The following SLC8A1 variants were observed in gnomAD, a reference collection of about 807,000 sequenced individuals.
SLC8A1 encodes solute carrier family 8 member A1.
SLC8A1 carries 18 observed loss-of-function variants against 68.3 expected under a neutral mutation model. The observed-to-expected ratio is 0.26, with a 90% confidence interval of 0.18 to 0.39. SLC8A1 has a LOEUF of 0.39. Among genes scored for constraint, SLC8A1 ranks in the 10% least tolerant of loss-of-function variants. The pLI is 1.00. For synonymous variants in SLC8A1, 475 were observed against 415.5 expected (o/e 1.14, Z -1.74); for missense variants, 985 against 1,156.7 (o/e 0.85, Z 2.15).
chr2:40,173,412 C>T (rs1207495765), intron 4 of SLC8A1, among the ~76,000 whole-genome samples: 4 of 152,190 alleles, frequency 2.6e-5, no homozygotes, highest in Non-Finnish European at 5.9e-5. Context: ...AACACAAAGA[C>T]TTGTCCTGTT....
intron 1 of SLC8A1, among the ~76,000 whole-genome samples, chr2:40,448,326 C>G (rs1183954975): frequency 6.6e-6 from 1 of 152,086 alleles, no homozygotes; most frequent in East Asian, 1.9e-4. Flanking sequence ...AGAAAGAAAA[C>G]CGAAAGTAAT....
chr2:40,346,047 T>TAAAAAAAA (rs774555210), intron 2 of SLC8A1, among the ~76,000 whole-genome samples: 338 of 41,290 alleles, frequency 8.2e-3, no homozygotes, highest in Non-Finnish European at 0.01. Flanking sequence ...ACATTAACAG[T>TAAAAAAAA]AAAAAAAAAA....
chr2:40,287,138 T>C (rs911820767), intron 2 of SLC8A1, among the ~76,000 whole-genome samples: 24 of 152,156 alleles, frequency 1.6e-4, no homozygotes, highest in African/African-American at 5.8e-4. Flanking sequence ...ACTAAAAAAA[T>C]ATGTAAGACT....
At chr2:40,122,510 C>T (rs1458052273) in intron 7 of SLC8A1, among the ~76,000 whole-genome samples, 1 of 152,182 alleles carries the variant, frequency 6.6e-6, no homozygotes, top group Non-Finnish European at 1.5e-5. Context: ...TTGGCAGGAT[C>T]AGGGCACCTG....
In SLC8A1 at chr2:40,462,001, C is replaced by CTTTTTTTTTT. The variant is rs370223854; in HGVS notation, c.-24-31707_-24-31698dup. On this transcript the variant is annotated intron_variant, in intron 1 of 7. Coordinates refer to the SLC8A1 transcript ENST00000402441. Reference sequence around the variant, plus strand: ...CCTCTCATTTTAAAGTAAAATCCTCCTTTTTTTTTTTTTTTTTTTTTTTGA... The same window carrying CTTTTTTTTTT: ...CCTCTCATTTTAAAGTAAAATCCTCCTTTTTTTTTTTTTTTTTTTTTTTTTTTTTTTTTGA... Among the ~76,000 whole-genome samples the CTTTTTTTTTT allele has an allele frequency of 5.5e-3, 365 of 66,118 alleles. 42 individuals are homozygous for CTTTTTTTTTT. Among genetic ancestry groups the CTTTTTTTTTT allele is most frequent in the East Asian group, 0.021 (49 of 2,284 alleles). The allele number at this position is 66,118 out of a possible 152,430, so 43.4% of individuals were successfully genotyped here.
chr2:40,353,986 C>T (rs780592982), intron 2 of SLC8A1, among the ~76,000 whole-genome samples: 19 of 152,202 alleles, frequency 1.2e-4, no homozygotes, highest in Admixed American at 6.5e-4. Flanking sequence ...ATCCAATCAA[C>T]ACAATGCCAG....
chr2:40,384,399 T>C (rs1273939792), intron 2 of SLC8A1, among the ~76,000 whole-genome samples: 1 of 152,128 alleles, frequency 6.6e-6, no homozygotes, highest in Non-Finnish European at 1.5e-5. Context: ...GAAAACACAA[T>C]GAGACAGTCT....
intron 6 of SLC8A1, among the ~76,000 whole-genome samples, chr2:40,156,660 C>T (rs1208800890): frequency 1.4e-5 from 2 of 144,922 alleles, no homozygotes; most frequent in East Asian, 4.3e-4. Context: ...TATAAGGAGA[C>T]CTAACAAATA....
At chr2:40,464,468 C>T (rs1326819033) in intron 1 of SLC8A1, among the ~76,000 whole-genome samples, 1 of 152,202 alleles carries the variant, frequency 6.6e-6, no homozygotes, top group African/African-American at 2.4e-5. Context: ...GGAGAGGACC[C>T]ATTTGTTTCT....
At chr2:40,364,398 T>C (rs1481239519) in intron 2 of SLC8A1, among the ~76,000 whole-genome samples, 3 of 151,892 alleles carry the variant, frequency 2.0e-5, no homozygotes, top group Non-Finnish European at 4.4e-5. Context: ...ATACACTTTA[T>C]TGATTCATTA....
intron 2 of SLC8A1, among the ~76,000 whole-genome samples, chr2:40,252,446 C>T (rs1027927707): frequency 1.3e-5 from 2 of 152,150 alleles, no homozygotes; most frequent in African/African-American, 4.8e-5. Flanking sequence ...GATTCTCCTG[C>T]CCCAGCCTCC....
intron 2 of SLC8A1, among the ~76,000 whole-genome samples, chr2:40,423,237 A>G (rs2149756353): frequency 6.6e-6 from 1 of 152,162 alleles, no homozygotes; most frequent in African/African-American, 2.4e-5. Context: ...CCATCTTACA[A>G]TGCACATCCC....
chr2:40,294,595 C>T (rs2069984242), intron 2 of SLC8A1, among the ~76,000 whole-genome samples: 1 of 152,006 alleles, frequency 6.6e-6, no homozygotes, highest in East Asian at 1.9e-4. Context: ...TTACAAAGGT[C>T]TAGAAGAATC....
chr2:40,462,426 G>C (rs1338493825), intron 1 of SLC8A1, among the ~76,000 whole-genome samples: 1 of 151,148 alleles, frequency 6.6e-6, no homozygotes, highest in Non-Finnish European at 1.5e-5. Context: ...ATGAATCCTA[G>C]TGTTAGAAAA....
chr2:40,238,449 C>T (rs1002275096), intron 2 of SLC8A1, among the ~76,000 whole-genome samples: 32 of 143,362 alleles, frequency 2.2e-4, no homozygotes, highest in African/African-American at 6.4e-4. Flanking sequence ...AGGCAATGCT[C>T]GCCCTGCTTC....
At chr2:40,386,968 T>TAC (rs1683764338) in intron 2 of SLC8A1, among the ~76,000 whole-genome samples, 2 of 151,388 alleles carry the variant, frequency 1.3e-5, no homozygotes, top group Admixed American at 1.3e-4. Flanking sequence ...TCCAATGGTG[T>TAC]ACACTTGAAT....
chr2:40,454,762 G>A (rs1012687287), upstream of SLC8A1, among the ~76,000 whole-genome samples: 3 of 152,028 alleles, frequency 2.0e-5, no homozygotes, highest in African/African-American at 7.3e-5. Flanking sequence ...AGGGCCCCAA[G>A]GCAAATCAAA....
At chr2:40,372,986 C>A (rs554774943) in intron 2 of SLC8A1, among the ~76,000 whole-genome samples, 14 of 152,024 alleles carry the variant, frequency 9.2e-5, no homozygotes, top group African/African-American at 3.1e-4. Flanking sequence ...AAAATACCAA[C>A]AGCAGCCTTG....
intron 2 of SLC8A1, among the ~76,000 whole-genome samples, chr2:40,369,782 T>C (rs780472792): frequency 3.3e-5 from 5 of 152,054 alleles, no homozygotes; most frequent in Non-Finnish European, 7.4e-5. Flanking sequence ...AATTGAGGAA[T>C]CATCTGTGGT....
Sources: allele counts gnomAD v4.1 joint callset (sites outside exome capture counted in the v4.1 genomes callset), GRCh38; gene constraint gnomAD v4.1.1; transcripts MANE v1.5; gene names NCBI Gene and HGNC (gene_info 2026-07-23, HGNC 2026-07-21).